The following KATNB1 variants were observed in gnomAD, a reference collection of about 807,000 sequenced individuals.
The protein encoded by KATNB1 is katanin regulatory subunit B1.
In KATNB1, 38 loss-of-function variants were observed where a neutral mutation model predicts 82.3. The ratio of observed to expected loss-of-function variants is 0.46; its 90% confidence interval spans 0.36 to 0.61. The LOEUF is 0.61. Ranked by LOEUF, KATNB1 falls within the 20% of genes least tolerant of loss-of-function variation. KATNB1 has a pLI of 0.00. For missense variants in KATNB1, 749 were observed against 915.7 expected (o/e 0.82, Z 2.35); for synonymous variants, 361 against 368.7 (o/e 0.98, Z 0.24).
At chr16:57,742,342 G>A (rs544167016) in intron 3 of KATNB1, among the ~76,000 whole-genome samples, 10 of 152,366 alleles carry the variant, frequency 6.6e-5, no homozygotes, top group Non-Finnish European at 8.8e-5. Context: ...TTCAATGCTG[G>A]AAACTGTTTT....
In KATNB1 at chr16:57,750,750, A is replaced by G. The variant is rs369143263; in HGVS notation, c.290-77A>G. 292 of 1,086,112 alleles carry G rather than the reference A, an allele frequency of 2.7e-4. 2 individuals carry two copies. In the South Asian group the frequency reaches 3.6e-3, roughly 13 times the overall value. 67.3% of individuals were successfully genotyped at this position (1,086,112 alleles called of 1,614,324 possible). A position where few individuals can be genotyped will look rare whatever the true frequency, so the allele number is the denominator to read the frequency against. Reference sequence around the variant, plus strand: ...CAGCTAATCCAAAAGCGCACACACAAATGCCCACAGCAGCCCTTCCTCTGC... The same window carrying G: ...CAGCTAATCCAAAAGCGCACACACAGATGCCCACAGCAGCCCTTCCTCTGC... On this transcript the variant is annotated intron_variant, in intron 4 of 19. Coordinates refer to ENST00000379661, the MANE Select transcript of KATNB1 (RefSeq NM_005886.3).
chr16:57,752,618 G>T lies in KATNB1; in HGVS notation c.704+17G>T. On this transcript the variant is annotated intron_variant, in intron 9 of 19. Coordinates refer to ENST00000379661, the MANE Select transcript of KATNB1 (RefSeq NM_005886.3). ...GCCCGTCAGGTACGCAGGCTGTGGGGTGGGCGGCCCAGCGCTCCTCCCGGC... is the reference window on the plus strand; with the variant it reads ...GCCCGTCAGGTACGCAGGCTGTGGGTTGGGCGGCCCAGCGCTCCTCCCGGC... 3 of 1,557,480 alleles carry T rather than the reference G, an allele frequency of 1.9e-6. No homozygotes were observed. The highest frequency in any genetic ancestry group is 1.7e-6 in the Non-Finnish European group (2 of 1,150,746).
intron 4 of KATNB1, among the ~76,000 whole-genome samples, chr16:57,746,879 C>A (rs1328251220): frequency 1.3e-5 from 2 of 151,952 alleles, no homozygotes; most frequent in African/African-American, 4.8e-5. Flanking sequence ...TTGCCTGATG[C>A]TTTTCTTTTC....
At position 57,748,476 on chromosome 16, in the gene KATNB1, A is replaced by C. The variant is rs200854108; in HGVS notation, c.290-2351A>C. Among the ~76,000 whole-genome samples, 1,149 of 151,486 alleles carry C rather than the reference A, an allele frequency of 7.6e-3. 30 individuals are homozygous for C. Among genetic ancestry groups the C allele is most frequent in the South Asian group, 0.034 (165 of 4,800 alleles). ...CCCCATCTCTATTTTTTTAAAAAAA[A>C]AAAAAAAAAGGAGAGAGAGAGAGCT... On this transcript the variant is annotated intron_variant, in intron 4 of 19. Transcript: ENST00000379661.
intron 4 of KATNB1, among the ~76,000 whole-genome samples, chr16:57,748,670 G>A (rs903509278): frequency 1.3e-5 from 2 of 152,154 alleles, no homozygotes; most frequent in Non-Finnish European, 1.5e-5. Flanking sequence ...AGGCATCAGA[G>A]GCCTTCGTGG....
chr16:57,749,734 G>A lies in KATNB1; in HGVS notation c.290-1093G>A, dbSNP rs549555584. On this transcript the variant is annotated intron_variant, in intron 4 of 19. Coordinates refer to ENST00000379661, the MANE Select transcript of KATNB1 (RefSeq NM_005886.3). ...ACAAGGTTTGCCTCCAGGCTGGGCC[G>A]CTCCTGGCCATGGAGATGCCTGCAA... is the stretch of plus-strand genomic sequence containing the variant. 1.1e-4 allele frequency among the ~76,000 whole-genome samples: 17 copies of A among 152,290 alleles called. No homozygotes were observed. The East Asian group carries it at 3.3e-3, about 29-fold the overall frequency.
chr16:57,755,781 C>A (rs782273777), intron 16 of KATNB1, 60 bp from the exon 17 acceptor site: 2 of 1,499,248 alleles, frequency 1.3e-6, no homozygotes, highest in East Asian at 4.6e-5. Flanking sequence ...CCCACCCTCA[C>A]CCTCACAGGG....
At chr16:57,754,815 C>A in intron 13 of KATNB1, 115 bp from the exon 14 acceptor site, 1 of 1,079,906 alleles carries the variant, frequency 9.3e-7, no homozygotes, top group East Asian at 2.4e-5. Context: ...CAGCCTCCCC[C>A]ATGCTCCTGC....
intron 3 of KATNB1, 64 bp downstream of exon 3, chr16:57,741,881 T>A: frequency 6.5e-7 from 1 of 1,541,826 alleles, no homozygotes; most frequent in Non-Finnish European, 8.8e-7. Context: ...GGACAGGGGT[T>A]GGAGGCTGAA....
At chr16:57,747,643 G>A (rs1471073346) in intron 4 of KATNB1, among the ~76,000 whole-genome samples, 2 of 152,168 alleles carry the variant, frequency 1.3e-5, no homozygotes, top group Non-Finnish European at 2.9e-5. Flanking sequence ...GAACTCAAGC[G>A]GGCCAGGGAG....
intron 2 of KATNB1, 114 bp from the exon 3 acceptor site, chr16:57,741,573 A>C (rs1196713701): frequency 8.8e-7 from 1 of 1,138,870 alleles, no homozygotes; most frequent in African/African-American, 1.5e-5. Context: ...TGAAGGAGGC[A>C]GATCCTTCCA....
intron 4 of KATNB1, 136 bp downstream of exon 4, chr16:57,744,647 G>A (rs1394803639): frequency 1.1e-5 from 8 of 728,338 alleles, no homozygotes; most frequent in Non-Finnish European, 2.0e-5. Flanking sequence ...CCGGCAGTGT[G>A]GCACCCACTC....
intron 2 of KATNB1, among the ~76,000 whole-genome samples, chr16:57,741,473 G>C (rs916179242): frequency 6.6e-6 from 1 of 152,250 alleles, no homozygotes; most frequent in African/African-American, 2.4e-5. Context: ...CAGGCATGAT[G>C]AAAGTTGAGA....
intron 19 of KATNB1, 150 bp from the exon 20 acceptor site, chr16:57,756,664 C>T: frequency 3.0e-6 from 4 of 1,342,984 alleles, no homozygotes; most frequent in South Asian, 1.5e-5. Flanking sequence ...GCTGTGCCCA[C>T]AATCCCTGGC....
intron 16 of KATNB1, 42 bp from the exon 17 acceptor site, chr16:57,755,799 G>A (rs1555585887): frequency 1.3e-6 from 2 of 1,546,616 alleles, no homozygotes; most frequent in Non-Finnish European, 1.8e-6. Context: ...GGGCCACACT[G>A]TCCCCCACTG....
At chr16:57,753,365 T>A in intron 11 of KATNB1, 24 bp from the exon 12 acceptor site, 8 of 1,602,356 alleles carry the variant, frequency 5.0e-6, no homozygotes, top group Non-Finnish European at 6.8e-6. Context: ...CCTGCTTCCG[T>A]TGGGCTTGGC....
At position 57,751,255 on chromosome 16, in the gene KATNB1, C is replaced by T. The variant is rs373652152; in HGVS notation, c.391-6C>T. On this transcript the variant is annotated splice_region_variant and splice_polypyrimidine_tract_variant and intron_variant, in intron 5 of 19. Coordinates refer to ENST00000379661, the MANE Select transcript of KATNB1 (RefSeq NM_005886.3). This position sits in a 1 kb window ranked among gnomAD's most constrained non-coding sequence, Gnocchi z 6.3. ...CTCTGCCCCTCTGCTTCTCTCTCCC[C>T]CACAGCTCTGGGACATCAGGAGGAA... The T allele has an allele frequency of 3.1e-6, 5 of 1,613,734 alleles. No homozygotes were observed. Among genetic ancestry groups the T allele is most frequent in the Non-Finnish European group, 3.4e-6 (4 of 1,179,792 alleles).
In KATNB1 at chr16:57,741,833, T is replaced by TGGCGGGGGGTCAGGACAAGG. The variant is rs782428712; in HGVS notation, c.171+18_171+37dup. ...CTGCATCATGGTGAGCCCCGACAGCTGGCGGGGGGTCAGGACAAGGGCCTG... is the reference window on the plus strand; with the variant it reads ...CTGCATCATGGTGAGCCCCGACAGCTGGCGGGGGGTCAGGACAAGGGGCGGGGGGTCAGGACAAGGGCCTG... On this transcript the variant is annotated intron_variant, in intron 3 of 19. Coordinates refer to ENST00000379661, the MANE Select transcript of KATNB1 (RefSeq NM_005886.3). The TGGCGGGGGGTCAGGACAAGG allele has an allele frequency of 4.4e-6, 7 of 1,607,236 alleles. No individual in the cohort carries two copies. Among genetic ancestry groups the TGGCGGGGGGTCAGGACAAGG allele is most frequent in the Non-Finnish European group, 5.9e-6 (7 of 1,177,012 alleles).
chr16:57,753,237 G>C lies in KATNB1; in HGVS notation c.1016G>C (p.Arg339Pro), dbSNP rs375862120. 6.2e-7 allele frequency: 1 copy of C among 1,602,498 alleles called. No individual in the cohort carries two copies. The highest frequency in any genetic ancestry group is 8.5e-7 in the Non-Finnish European group (1 of 1,174,786). Reference sequence around the variant, plus strand: ...GCCCCCCTCCGGCGCATCTATGAGCGGCCCAGCACAACCTGCAGCAAGCCT... The same window carrying C: ...GCCCCCCTCCGGCGCATCTATGAGCCGCCCAGCACAACCTGCAGCAAGCCT... The part of the protein sequence containing the change: ...PSAPLRRIYE[R>P]PSTTCSKPQR... Residue 339 changes from arginine to proline, a missense_variant, in exon 11 of 20, where the codon CGG (arginine) becomes CCG (proline). Transcript: ENST00000379661.
Sources: allele counts gnomAD v4.1 joint callset (sites outside exome capture counted in the v4.1 genomes callset), GRCh38; gene constraint gnomAD v4.1.1; non-coding constraint Gnocchi (gnomAD v3.1); transcripts MANE v1.5; gene names NCBI Gene and HGNC (gene_info 2026-07-23, HGNC 2026-07-21).